The following KAZN variants were observed in gnomAD, a reference collection of about 807,000 sequenced individuals.
KAZN encodes the protein kazrin.
KAZN carries 40 observed loss-of-function variants against 87.4 expected under a neutral mutation model. The observed-to-expected ratio is 0.46, with a 90% CI of 0.36 to 0.60. The LOEUF (loss-of-function observed/expected upper bound fraction) is 0.60, where lower values mean the gene tolerates loss of function less well. KAZN is among the 20% of genes least tolerant of loss of function. The pLI, the probability that KAZN is intolerant of heterozygous loss-of-function variation, is 0.00. For synonymous variants in KAZN, 466 were observed against 458.3 expected, an observed-to-expected ratio of 1.02 and a Z score of -0.22; for missense variants, 898 against 1,073.9, an observed-to-expected ratio of 0.84 and a Z score of 2.29.
intron 1 of KAZN, among the ~76,000 whole-genome samples, chr1:14,952,899 T>A (rs147642832): frequency 6.6e-6 from 1 of 152,136 alleles, no homozygotes; most frequent in Non-Finnish European, 1.5e-5. Context: ...ACTGAGATGA[T>A]TGCTTTGTTT....
intron 2 of KAZN, among the ~76,000 whole-genome samples, chr1:14,386,786 T>A (rs1181808706): frequency 6.6e-6 from 1 of 152,126 alleles, no homozygotes; most frequent in African/African-American, 2.4e-5. Context: ...CTGACAATTA[T>A]GTGTCTTGGA....
chr1:14,444,264 C>T (rs907532135), intron 2 of KAZN, among the ~76,000 whole-genome samples: 8 of 151,928 alleles, frequency 5.3e-5, no homozygotes, highest in South Asian at 2.1e-4. Context: ...TGGTGTCACC[C>T]GCCCTCCAAC....
chr1:14,266,795 T>C (rs1651510304), intron 2 of KAZN, among the ~76,000 whole-genome samples: 2 of 152,186 alleles, frequency 1.3e-5, no homozygotes, highest in South Asian at 2.1e-4. Flanking sequence ...AACCGGAGGA[T>C]GTGGAGAAAA....
intron 2 of KAZN, among the ~76,000 whole-genome samples, chr1:14,209,138 C>T (rs557030727): frequency 7.2e-5 from 11 of 152,302 alleles, no homozygotes; most frequent in African/African-American, 2.2e-4. Flanking sequence ...GCTGCTATGC[C>T]GAGTAGCCGT....
At chr1:14,562,765 A>G (rs773456742) in intron 2 of KAZN, among the ~76,000 whole-genome samples, 2 of 152,094 alleles carry the variant, frequency 1.3e-5, no homozygotes, top group Admixed American at 6.5e-5. Flanking sequence ...TTATTTTCCA[A>G]TCACTTACAG....
chr1:14,126,358 C>CA lies in KAZN; in HGVS notation c.92-54077_92-54076insA, dbSNP rs372896220. ...TAAAGGCAGAAGCTCTCCCCTCCCC[C>CA]CCCCCGTCAAGATGCTTAATTTATT... On this transcript the variant is annotated intron_variant, in intron 1 of 16. Coordinates refer to the KAZN transcript ENST00000636203. Among the ~76,000 whole-genome samples the CA allele has an allele frequency of 4.0e-5, 6 of 150,040 alleles. No homozygotes were observed. In the East Asian group the frequency reaches 1.2e-3, roughly 29 times the overall value.
chr1:13,931,507 C>T (rs1350135055), intron 1 of KAZN, among the ~76,000 whole-genome samples: 3 of 151,782 alleles, frequency 2.0e-5, no homozygotes, highest in East Asian at 3.9e-4. Context: ...TGCATAGACA[C>T]ATGCTTTTTT....
rs148956370 is a variant in KAZN, at chr1:14,885,065, G to A, written c.227-75619G>A. ...AATGCCTGGGAGGGAGCTATTATCC[G>A]TCGGTATCAAGCAGTTAGAGAAGTC... On this transcript the variant is annotated intron_variant, in intron 1 of 14. Coordinates refer to ENST00000376030, the MANE Select transcript of KAZN (RefSeq NM_201628.3). 6.6e-4 allele frequency among the ~76,000 whole-genome samples: 100 copies of A among 152,304 alleles called. 4 individuals carry two copies. In the East Asian group the frequency reaches 0.018, roughly 27 times the overall value.
intron 1 of KAZN, among the ~76,000 whole-genome samples, chr1:14,168,578 T>C (rs910821374): frequency 6.6e-5 from 10 of 151,994 alleles, no homozygotes. Context: ...CAACAGTGGA[T>C]GGAGATGATG....
intron 1 of KAZN, among the ~76,000 whole-genome samples, chr1:13,959,999 G>T (rs1174278932): frequency 6.6e-6 from 1 of 152,080 alleles, no homozygotes. Flanking sequence ...ATTTTCATGT[G>T]TATTTGAAGT....
chr1:14,028,363 T>C (rs1641174913), intron 1 of KAZN, among the ~76,000 whole-genome samples: 2 of 152,204 alleles, frequency 1.3e-5, no homozygotes, highest in African/African-American at 4.8e-5. Context: ...TAGCCTGAGA[T>C]GTGATGCATT....
At chr1:13,961,373 C>T (rs1641746654) in intron 1 of KAZN, among the ~76,000 whole-genome samples, 1 of 152,138 alleles carries the variant, frequency 6.6e-6, no homozygotes, top group Non-Finnish European at 1.5e-5. Context: ...TGAGGAGAGA[C>T]AGACCATAAA....
chr1:14,748,691 C>T (rs1644328588), intron 1 of KAZN, among the ~76,000 whole-genome samples: 1 of 152,136 alleles, frequency 6.6e-6, no homozygotes, highest in Non-Finnish European at 1.5e-5. Context: ...AGAAATGGAG[C>T]TAATAATAGT....
At chr1:14,417,768 A>G (rs1264672940) in intron 2 of KAZN, among the ~76,000 whole-genome samples, 3 of 151,958 alleles carry the variant, frequency 2.0e-5, no homozygotes, top group Non-Finnish European at 4.4e-5. Flanking sequence ...AGGCCAAAGC[A>G]GGCAGATTCC....
intron 1 of KAZN, among the ~76,000 whole-genome samples, chr1:13,942,672 T>C (rs1049019892): frequency 2.7e-5 from 4 of 149,286 alleles, no homozygotes; most frequent in Non-Finnish European, 1.5e-5. Context: ...CGCTAGGAAA[T>C]AGGACAAAAC....
intron 2 of KAZN, among the ~76,000 whole-genome samples, chr1:14,480,680 T>C (rs1399338853): frequency 6.9e-6 from 1 of 145,530 alleles, no homozygotes; most frequent in Non-Finnish European, 1.5e-5. Context: ...ATAAACTATA[T>C]ATAATATATA....
At chr1:14,458,283 CTT>C (rs1439759111) in intron 2 of KAZN, among the ~76,000 whole-genome samples, 1 of 152,300 alleles carries the variant, frequency 6.6e-6, no homozygotes, top group East Asian at 1.9e-4. Context: ...TTGCTAAACT[CTT>C]TATTCATTGA....
chr1:14,415,023 C>A (rs1382065696), intron 2 of KAZN, among the ~76,000 whole-genome samples: 1 of 152,070 alleles, frequency 6.6e-6, no homozygotes, highest in African/African-American at 2.4e-5. Flanking sequence ...GAGACTGCAT[C>A]TCAAAATAAA....
chr1:15,065,078 CTGCAGTGCAG>C lies in KAZN; in HGVS notation c.1099-549_1099-540del, dbSNP rs551308988. Among the ~76,000 whole-genome samples, 10 of 122,232 alleles carry C rather than the reference CTGCAGTGCAG, an allele frequency of 8.2e-5. No individual in the cohort carries two copies. The South Asian group carries it at 2.7e-3, about 32-fold the overall frequency. 80.2% of individuals were successfully genotyped at this position (122,232 alleles called of 152,430 possible). On this transcript the variant is annotated intron_variant, in intron 7 of 14. Coordinates refer to ENST00000376030, the MANE Select transcript of KAZN (RefSeq NM_201628.3). ...ACGGAGTCTCACTCTGTCGCCCAGG[CTGCAGTGCAG>C]TGGCGCGATCCTGGCTCACCACAAC...
Sources: allele counts gnomAD v4.1 joint callset (sites outside exome capture counted in the v4.1 genomes callset), GRCh38; gene constraint gnomAD v4.1.1; transcripts MANE v1.5; gene names NCBI Gene and HGNC (gene_info 2026-07-23, HGNC 2026-07-21).